The following ERCC6L2 variants were observed in gnomAD, a reference collection of about 807,000 sequenced individuals.
ERCC6L2 encodes DNA excision repair protein ERCC-6-like 2.
In ERCC6L2, 77 loss-of-function variants were observed where a neutral mutation model predicts 132.0. The ratio of observed to expected loss-of-function variants is 0.58; its 90% CI spans 0.49 to 0.71. The LOEUF (loss-of-function observed/expected upper bound fraction) is 0.71. ERCC6L2 is among the 30% of genes least tolerant of loss of function. The pLI is 0.00. For synonymous variants in ERCC6L2, 583 were observed against 632.4 expected, an observed-to-expected ratio of 0.92 and a Z score of 1.17; for missense variants, 1,542 against 1,837.6, an observed-to-expected ratio of 0.84 and a Z score of 2.94.
At chr9:96,029,324 C>CAAAAA (rs955836656) in intron 19 of ERCC6L2, among the ~76,000 whole-genome samples, 86 of 104,720 alleles carry the variant, frequency 8.2e-4, no homozygotes, top group Middle Eastern at 4.7e-3. Context: ...AAAAAAAAAA[C>CAAAAA]AAAAAAAAAA....
chr9:95,945,859 A>C (rs749997735), intron 12 of ERCC6L2, among the ~76,000 whole-genome samples: 8 of 152,214 alleles, frequency 5.3e-5, no homozygotes, highest in Non-Finnish European at 8.8e-5. Context: ...GTCAGAACTA[A>C]ATCCAAACAT....
At chr9:96,005,080 G>A (rs980251937) in intron 18 of ERCC6L2, among the ~76,000 whole-genome samples, 34 of 152,194 alleles carry the variant, frequency 2.2e-4, no homozygotes, top group African/African-American at 7.2e-4. Context: ...TTGGGAGGCC[G>A]AGGCGGGTGG....
At chr9:95,895,558 A>T (rs1054395571) in intron 2 of ERCC6L2, among the ~76,000 whole-genome samples, 1 of 151,856 alleles carries the variant, frequency 6.6e-6, no homozygotes, top group Admixed American at 6.6e-5. Flanking sequence ...TTAGGTACAC[A>T]TTCTTTTATT....
At chr9:95,880,256 G>A (rs978123036) in intron 1 of ERCC6L2, among the ~76,000 whole-genome samples, 3 of 152,102 alleles carry the variant, frequency 2.0e-5, no homozygotes, top group African/African-American at 7.2e-5. Flanking sequence ...TTAAAGTAAA[G>A]GCTTAGAGGC....
chr9:95,947,745 G>A (rs1831130417), intron 12 of ERCC6L2, among the ~76,000 whole-genome samples: 1 of 152,130 alleles, frequency 6.6e-6, no homozygotes, highest in Non-Finnish European at 1.5e-5. Flanking sequence ...GAAAATCTTA[G>A]GGCCTTTAAA....
intron 13 of ERCC6L2, among the ~76,000 whole-genome samples, chr9:95,966,167 G>A (rs1832144915): frequency 6.6e-6 from 1 of 152,136 alleles, no homozygotes; most frequent in African/African-American, 2.4e-5. Context: ...ACTTTAGATT[G>A]TAATTTAACT....
intron 2 of ERCC6L2, among the ~76,000 whole-genome samples, chr9:95,896,249 T>C (rs1828451471): frequency 1.3e-5 from 2 of 152,162 alleles, no homozygotes; most frequent in East Asian, 1.9e-4. Context: ...TGAAAATCTT[T>C]ACCCTTCATT....
At chr9:95,930,170 T>A (rs899230314) in intron 11 of ERCC6L2, among the ~76,000 whole-genome samples, 1 of 152,128 alleles carries the variant, frequency 6.6e-6, no homozygotes, top group Non-Finnish European at 1.5e-5. Flanking sequence ...TCTTTTGAGC[T>A]TATCTTCAAT....
chr9:95,950,068 A>C (rs1385845000), intron 12 of ERCC6L2, among the ~76,000 whole-genome samples: 4 of 152,120 alleles, frequency 2.6e-5, no homozygotes, highest in African/African-American at 9.7e-5. Flanking sequence ...ATGAAAGTAC[A>C]CTAGACAGTA....
Position 95,972,898 on chromosome 9 carries a change from C to T in ERCC6L2, c.3147C>T (p.Ser1049=), listed in dbSNP as rs757160540. 4.7e-5 allele frequency: 61 copies of T among 1,305,184 alleles called. No homozygotes were observed. Among genetic ancestry groups the T allele is most frequent in the Admixed American group, 6.9e-5 (3 of 43,546 alleles). The allele number at this position is 1,305,184 out of a possible 1,614,324, so 80.9% of individuals were successfully genotyped here. ...ATTCATCCTCAGATGAGAGTTTATC[C>T]GTCAGCCACTTCAGTTTCTCTAAAC... ...DDYSSSDESL[S]VSHFSFSKQS... is the part of the protein sequence containing the mutation. The change falls in exon 16 of 19, where the codon TCC becomes TCT. Residue 1049 remains serine (S), a synonymous_variant. Coordinates refer to ENST00000653738, the MANE Select transcript of ERCC6L2 (RefSeq NM_020207.7).
intron 2 of ERCC6L2, among the ~76,000 whole-genome samples, chr9:95,886,292 C>G (rs1827863791): frequency 6.6e-6 from 1 of 152,026 alleles, no homozygotes; most frequent in Non-Finnish European, 1.5e-5. Flanking sequence ...GCTGGGATTA[C>G]AGGCAGGAAC....
chr9:95,881,651 G>T (rs1827602671), intron 2 of ERCC6L2, among the ~76,000 whole-genome samples: 1 of 152,160 alleles, frequency 6.6e-6, no homozygotes, highest in Non-Finnish European at 1.5e-5. Context: ...CACATAGCAT[G>T]GTTAAATTGT....
At chr9:96,026,260 G>T (rs967350762) in intron 19 of ERCC6L2, among the ~76,000 whole-genome samples, 1 of 152,220 alleles carries the variant, frequency 6.6e-6, no homozygotes, top group African/African-American at 2.4e-5. Context: ...CTGCTGACGG[G>T]AACAGGCTCC....
intron 6 of ERCC6L2, among the ~76,000 whole-genome samples, chr9:95,917,057 C>G (rs1381709493): frequency 1.3e-5 from 2 of 152,142 alleles, no homozygotes; most frequent in Admixed American, 1.3e-4. Context: ...GTTTTCTGTT[C>G]ACACGTTGTC....
At chr9:96,020,370 A>AG, downstream of ERCC6L2, 1 of 199,946 alleles carries the variant, frequency 5.0e-6, no homozygotes, top group Non-Finnish European at 1.0e-5. Context: ...ATAAGATGGG[A>AG]GGAGTTCTGA....
chr9:95,928,621 A>G (rs1830201715), intron 10 of ERCC6L2, 98 bp from the exon 11 acceptor site: 1 of 1,054,464 alleles, frequency 9.5e-7, no homozygotes, highest in Non-Finnish European at 1.3e-6. Context: ...GAAATTATGA[A>G]CACCAATAAT....
At position 95,975,603 on chromosome 9, in the gene ERCC6L2, G is replaced by GT. The variant is rs1832635142; in HGVS notation, c.3338-2454dup. On this transcript the variant is annotated intron_variant, in intron 16 of 18. Coordinates refer to ENST00000653738, the MANE Select transcript of ERCC6L2 (RefSeq NM_020207.7). ...TCCATATTCTGATATACACAGTGTT[G>GT]TTTTCACTCAAATTTTATTTTGGGA... is the stretch of plus-strand genomic sequence containing the variant. Among the ~76,000 whole-genome samples, 3 of 149,096 alleles carry GT rather than the reference G, an allele frequency of 2.0e-5. No individual in the cohort carries two copies. The South Asian group carries it at 6.4e-4, about 32-fold the overall frequency.
At chr9:95,988,335 A>C (rs1328451902) in intron 17 of ERCC6L2, among the ~76,000 whole-genome samples, 1 of 152,196 alleles carries the variant, frequency 6.6e-6, no homozygotes, top group African/African-American at 2.4e-5. Context: ...TATAACTAGG[A>C]TCTGTTCTCA....
Position 95,880,397 on chromosome 9 carries a change from C to T in ERCC6L2, c.47-472C>T, listed in dbSNP as rs187291078. On this transcript the variant is annotated intron_variant, in intron 1 of 18. Coordinates refer to ENST00000653738, the MANE Select transcript of ERCC6L2 (RefSeq NM_020207.7). ...TTTACTCATTACCAAGTCCTATTCA[C>T]GATTACTCTACCATATCATGAAATA... 2.4e-3 allele frequency among the ~76,000 whole-genome samples: 361 copies of T among 152,246 alleles called. 3 individuals are homozygous for T. In the Middle Eastern group the frequency reaches 0.031, roughly 13 times the overall value.
Sources: allele counts gnomAD v4.1 joint callset (sites outside exome capture counted in the v4.1 genomes callset), GRCh38; gene constraint gnomAD v4.1.1; transcripts MANE v1.5; gene names NCBI Gene and HGNC (gene_info 2026-07-23, HGNC 2026-07-21).